SCUBE3: variants seen among roughly 807,000 people sequenced by gnomAD.
SCUBE3 encodes the protein signal peptide, CUB and EGF-like domain-containing protein 3.
In SCUBE3, 33 loss-of-function variants were observed where a neutral mutation model predicts 116.8. That is an observed-to-expected ratio of 0.28 (90% CI 0.21 to 0.38). The LOEUF is 0.38. Among genes scored for constraint, SCUBE3 ranks in the 10% least tolerant of loss-of-function variants. The pLI is 1.00. For synonymous variants in SCUBE3, 418 were observed against 496.9 expected (o/e 0.84, Z 2.11); for missense variants, 1,007 against 1,324.8 (o/e 0.76, Z 3.72).
rs1451530843 is a variant in SCUBE3 at position 35,243,303 on chromosome 6, C to A, written c.1909+67C>A. 7.6e-7 allele frequency: 1 copy of A among 1,323,420 alleles called. No homozygotes were observed. Among genetic ancestry groups the A allele is most frequent in the Non-Finnish European group, 1.1e-6 (1 of 931,358 alleles). 82.0% of individuals were successfully genotyped at this position (1,323,420 alleles called of 1,614,324 possible). On this transcript the variant is annotated intron_variant, in intron 15 of 21. Transcript: ENST00000274938. The surrounding 1 kb of genome is among the most constrained non-coding windows in gnomAD (Gnocchi z 6.6). ...AGTTTGGGCCTGACTCAGAGCAGGA[C>A]CCTTTGTGGCCTCAGATGCATTTCT...
rs764779695 is a variant in SCUBE3 at position 35,226,480 on chromosome 6, C to CTTTTTTTTTTTTTTTTTTTTT, written c.86-1098_86-1078dup. ...CAGAAGTTGGACTCTTTTCTATGTC[C>CTTTTTTTTTTTTTTTTTTTTT]TTTTTTTTTTTTTTTTTTTTTTGAG... On this transcript the variant is annotated intron_variant, in intron 1 of 21. Transcript: ENST00000274938. Among the ~76,000 whole-genome samples the CTTTTTTTTTTTTTTTTTTTTT allele has an allele frequency of 2.2e-4, 19 of 85,232 alleles. 1 individual carries two copies. The highest frequency in any genetic ancestry group is 2.0e-3 in the East Asian group (4 of 2,016). 55.9% of individuals were successfully genotyped at this position (85,232 alleles called of 152,430 possible). A position where few individuals can be genotyped will look rare whatever the true frequency, so the allele number is the denominator to read the frequency against.
chr6:35,228,786 A>G lies in SCUBE3; in HGVS notation c.334+47A>G. On this transcript the variant is annotated intron_variant, in intron 3 of 21. Transcript: ENST00000274938. This position sits in a 1 kb window ranked among gnomAD's most constrained non-coding sequence, Gnocchi z 4.9. ...TGGTGGAGGGATGTCTTGTGGAGAA[A>G]GAGATCTTTTCAGCATTTCCTATTT... 6.3e-7 allele frequency: 1 copy of G among 1,595,698 alleles called. No individual in the cohort carries two copies. Among genetic ancestry groups the G allele is most frequent in the Non-Finnish European group, 8.6e-7 (1 of 1,163,630 alleles).
At position 35,232,731 on chromosome 6, in the gene SCUBE3, G is replaced by T. The variant is rs1783603197; in HGVS notation, c.470-119G>T. 10 of 993,356 alleles carry T rather than the reference G, an allele frequency of 1.0e-5. No individual in the cohort carries two copies. Among genetic ancestry groups the T allele is most frequent in the Non-Finnish European group, 1.5e-5 (10 of 650,886 alleles). 61.5% of individuals were successfully genotyped at this position (993,356 alleles called of 1,614,324 possible). On this transcript the variant is annotated intron_variant, in intron 4 of 21. Coordinates refer to ENST00000274938, the MANE Select transcript of SCUBE3 (RefSeq NM_152753.4). This position sits in a 1 kb window ranked among gnomAD's most constrained non-coding sequence, Gnocchi z 4.2. The stretch of plus-strand genomic sequence containing the variant: ...GGACAAGGAGAGTCAGTCCCCTCGT[G>T]TTGAATTCAACCTCAGTAGAATTCT...
intron 6 of SCUBE3, among the ~76,000 whole-genome samples, chr6:35,236,008 A>C (rs1274687336): frequency 6.6e-6 from 1 of 152,210 alleles, no homozygotes; most frequent in East Asian, 1.9e-4. Context: ...GTTCAGGCAG[A>C]CCTGAGTTTG....
chr6:35,215,103 G>A (rs1172476717), intron 1 of SCUBE3, among the ~76,000 whole-genome samples: 2 of 152,160 alleles, frequency 1.3e-5, no homozygotes, highest in African/African-American at 4.8e-5. Context: ...GGAATGTTGC[G>A]TTTCTGCCTC....
At chr6:35,225,386 A>G (rs1222749086) in intron 1 of SCUBE3, among the ~76,000 whole-genome samples, 10 of 152,164 alleles carry the variant, frequency 6.6e-5, no homozygotes, top group Admixed American at 6.5e-4. Flanking sequence ...AGTTGGACAA[A>G]CTGATTCTCC....
chr6:35,227,794 A>C, intron 2 of SCUBE3, 92 bp downstream of exon 2: 5 of 1,302,744 alleles, frequency 3.8e-6, no homozygotes, highest in African/African-American at 1.5e-5. Context: ...CATCACATCA[A>C]GGCTAGAAAT....
In SCUBE3 at chr6:35,226,480, C is replaced by CTTTTTTTTTTTTTTTTTTTTTTTTTTTT. The variant is rs764779695; in HGVS notation, c.86-1078_86-1077insTTTTTTTTTTTTTTTTTTTTTTTTTTTT. On this transcript the variant is annotated intron_variant, in intron 1 of 21. Transcript: ENST00000274938. ...CAGAAGTTGGACTCTTTTCTATGTC[C>CTTTTTTTTTTTTTTTTTTTTTTTTTTTT]TTTTTTTTTTTTTTTTTTTTTTGAG... 5.9e-5 allele frequency among the ~76,000 whole-genome samples: 5 copies of CTTTTTTTTTTTTTTTTTTTTTTTTTTTT among 85,230 alleles called. No individual in the cohort carries two copies. The East Asian group carries it at 1.5e-3, about 25-fold the overall frequency. The allele number at this position is 85,230 out of a possible 152,430, so 55.9% of individuals were successfully genotyped here.
Position 35,214,451 on chromosome 6 carries a change from G to T in SCUBE3, c.33G>T (p.Leu11=). The T allele has an allele frequency of 6.6e-7, 1 of 1,506,432 alleles. No homozygotes were observed. Among genetic ancestry groups the T allele is most frequent in the Admixed American group, 2.1e-5 (1 of 46,624 alleles). 93.3% of individuals were successfully genotyped at this position (1,506,432 alleles called of 1,614,324 possible). A position where few individuals can be genotyped will look rare whatever the true frequency, so the allele number is the denominator to read the frequency against. Residue 11 remains leucine (L), a synonymous_variant, in exon 1 of 22, where the codon CTG becomes CTT. Transcript: ENST00000274938. The surrounding 1 kb of genome is among the most constrained non-coding windows in gnomAD (Gnocchi z 6.3). ...CGGGGCGCGTACCCGGGCTCTGCCT[G>T]CTTGTCCTGCTGGTCCACGCCCGCG... MGSGRVPGLC[L]LVLLVHARAA...
rs990381096 is a variant in SCUBE3, at chr6:35,235,289, T to G, written c.712+1988T>G. On this transcript the variant is annotated intron_variant, in intron 6 of 21. Coordinates refer to ENST00000274938, the MANE Select transcript of SCUBE3 (RefSeq NM_152753.4). This position sits in a 1 kb window ranked among gnomAD's most constrained non-coding sequence, Gnocchi z 4.5. The stretch of plus-strand genomic sequence containing the variant: ...GGGATACCACCAGACAGGATAAGGA[T>G]GAGGAGTGAAGCTGTCATAAGGGTC... Among the ~76,000 whole-genome samples, 1 of 151,146 alleles carries G rather than the reference T, an allele frequency of 6.6e-6. No homozygotes were observed. Among genetic ancestry groups the G allele is most frequent in the African/African-American group, 2.4e-5 (1 of 40,988 alleles).
chr6:35,243,759 C>G lies in SCUBE3; in HGVS notation c.2071+4C>G. 6.2e-7 allele frequency: 1 copy of G among 1,613,480 alleles called. No individual in the cohort carries two copies. On this transcript the variant is annotated splice_donor_region_variant and intron_variant, in intron 16 of 21. Coordinates refer to ENST00000274938, the MANE Select transcript of SCUBE3 (RefSeq NM_152753.4). The surrounding 1 kb of genome is among the most constrained non-coding windows in gnomAD (Gnocchi z 6.6). ...ACCAACGTCACCACGTGTGCAGGTG[C>G]CAGGGGAACAAACAATACAGAGTGG...
rs1784285608 is a variant in SCUBE3, at chr6:35,245,315, G to A, written c.2489G>A (p.Cys830Tyr). The A allele has an allele frequency of 1.2e-6, 2 of 1,614,046 alleles. No individual in the cohort carries two copies. Among genetic ancestry groups the A allele is most frequent in the South Asian group, 1.1e-5 (1 of 91,082 alleles). The change falls in exon 19 of 22, where the codon TGC becomes TAC. Residue 830 changes from cysteine to tyrosine, a missense_variant. Transcript: ENST00000274938. The surrounding 1 kb of genome is among the most constrained non-coding windows in gnomAD (Gnocchi z 4.2). ...GGCAACTACCCAGCTGGTGTGGAGTGCATCTGGAACATCAACCCCCCACCC... is the reference window on the plus strand; with the variant it reads ...GGCAACTACCCAGCTGGTGTGGAGTACATCTGGAACATCAACCCCCCACCC... ...YPGNYPAGVECIWNINPPPKR... is the reference protein window; with the variant it reads ...YPGNYPAGVEYIWNINPPPKR...
Position 35,235,468 on chromosome 6 carries a change from C to A in SCUBE3, c.712+2167C>A. 5.4e-6 allele frequency: 7 copies of A among 1,287,024 alleles called. No individual in the cohort carries two copies. The highest frequency in any genetic ancestry group is 7.1e-6 in the Non-Finnish European group (7 of 986,308). The allele number at this position is 1,287,024 out of a possible 1,614,324, so 79.7% of individuals were successfully genotyped here. A position where few individuals can be genotyped will look rare whatever the true frequency, so the allele number is the denominator to read the frequency against. ...CAGGGGAAAGGCGGCTAGAGCAGCA[C>A]ATCCCCACTCAAGCCGTTTCTAATG... On this transcript the variant is annotated intron_variant, in intron 6 of 21. Transcript: ENST00000274938. The surrounding 1 kb of genome is among the most constrained non-coding windows in gnomAD (Gnocchi z 4.5).
In SCUBE3 at chr6:35,240,420, C is replaced by T. The variant is rs779351664; in HGVS notation, c.999C>T (p.Val333=). ...SFDRTCDHIC[V]NTPGSFQCLC... ...ATCGAACCTGTGACCACATATGTGT[C>T]AACACACCAGGAAGCTTCCAGTGTC... Residue 333 remains valine (V), a synonymous_variant, in exon 9 of 22, where the codon GTC becomes GTT. Coordinates refer to ENST00000274938, the MANE Select transcript of SCUBE3 (RefSeq NM_152753.4). The surrounding 1 kb of genome is among the most constrained non-coding windows in gnomAD (Gnocchi z 4.6). The T allele has an allele frequency of 3.7e-6, 6 of 1,610,214 alleles. No individual in the cohort carries two copies. The highest frequency in any genetic ancestry group is 5.1e-6 in the Non-Finnish European group (6 of 1,178,018).
intron 3 of SCUBE3, among the ~76,000 whole-genome samples, chr6:35,230,954 G>T (rs536880414): frequency 1.3e-5 from 2 of 152,182 alleles, no homozygotes; most frequent in African/African-American, 4.8e-5. Context: ...GGGCTCCAGG[G>T]TGAGCTTGGC....
At chr6:35,236,677 A>ACC (rs1372223887) in intron 6 of SCUBE3, among the ~76,000 whole-genome samples, 1 of 152,222 alleles carries the variant, frequency 6.6e-6, no homozygotes, top group Admixed American at 6.5e-5. Context: ...CTCATTGGTG[A>ACC]CAAGAGTTGG....
In SCUBE3 at chr6:35,243,910, T is replaced by G. The variant is rs1784209399; in HGVS notation, c.2072-53T>G. 6.3e-7 allele frequency: 1 copy of G among 1,582,302 alleles called. No individual in the cohort carries two copies. The highest frequency in any genetic ancestry group is 8.6e-7 in the Non-Finnish European group (1 of 1,156,926). ...TGTCCCCTGAGATCGGGTGACCCCA[T>G]GGGGATGACTCAGGACCATCCCCAT... On this transcript the variant is annotated intron_variant, in intron 16 of 21. Transcript: ENST00000274938. The surrounding 1 kb of genome is among the most constrained non-coding windows in gnomAD (Gnocchi z 6.6).
rs998311121 is a variant in SCUBE3, at chr6:35,231,393, C to G, written c.335-332C>G. ...CCAATCTCCATCCTTACCTTCATCA[C>G]TGTTCCTCTTTCTCTGGCTTCTTTC... On this transcript the variant is annotated intron_variant, in intron 3 of 21. Transcript: ENST00000274938. The surrounding 1 kb of genome is among the most constrained non-coding windows in gnomAD (Gnocchi z 4.2). Among the ~76,000 whole-genome samples, 2 of 152,234 alleles carry G rather than the reference C, an allele frequency of 1.3e-5. No individual in the cohort carries two copies. The highest frequency in any genetic ancestry group is 6.5e-5 in the Admixed American group (1 of 15,288).
chr6:35,231,682 C>T lies in SCUBE3; in HGVS notation c.335-43C>T. Reference sequence around the variant, plus strand: ...GAAGTCTTGGGATATACCCTGGACCCTGCCTGTACCCCATGACCCCACTGA... The same window carrying T: ...GAAGTCTTGGGATATACCCTGGACCTTGCCTGTACCCCATGACCCCACTGA... On this transcript the variant is annotated intron_variant, in intron 3 of 21. Transcript: ENST00000274938. This position sits in a 1 kb window ranked among gnomAD's most constrained non-coding sequence, Gnocchi z 4.2. The T allele has an allele frequency of 6.4e-7, 1 of 1,568,238 alleles. No homozygotes were observed. The highest frequency in any genetic ancestry group is 8.7e-7 in the Non-Finnish European group (1 of 1,148,376).
Sources: gnomAD v4.1 joint callset for allele counts (sites outside exome capture counted in the v4.1 genomes callset) on GRCh38, gnomAD v4.1.1 for gene constraint, Gnocchi (gnomAD v3.1) non-coding constraint, MANE v1.5 for transcripts, NCBI Gene and HGNC (gene_info 2026-07-23, HGNC 2026-07-21) for gene names.